Variants in SLC39A11 observed in about 807,000 individuals in gnomAD.
SLC39A11 encodes the protein solute carrier family 39 member 11, also known as zinc transporter ZIP11.
Under a neutral mutation model 36.1 loss-of-function variants are expected in SLC39A11, and 33 were observed. The observed-to-expected ratio is 0.91, with a 90% CI of 0.69 to 1.22. SLC39A11 has a LOEUF of 1.22. Among genes scored for constraint, SLC39A11 ranks in the 50% most tolerant of loss-of-function variants. The probability of loss-of-function intolerance (pLI) is 0.00; values close to 1 mark genes in which losing one functional copy is unlikely to be tolerated. For missense variants in SLC39A11, 432 were observed against 430.3 expected (o/e 1.00, Z -0.03); for synonymous variants, 166 against 170.3 (o/e 0.97, Z 0.20).
At chr17:72,932,274 T>A (rs1045192219) in intron 5 of SLC39A11, among the ~76,000 whole-genome samples, 1 of 133,636 alleles carries the variant, frequency 7.5e-6, no homozygotes, top group African/African-American at 3.6e-5. Context: ...CTCTTCTACC[T>A]GAAGAATGAC....
intron 6 of SLC39A11, among the ~76,000 whole-genome samples, chr17:72,740,670 C>T (rs115270331): frequency 0.015 from 2,349 of 152,294 alleles, 77 homozygotes; most frequent in African/African-American, 0.053. Flanking sequence ...ACGAAAACTA[C>T]GTAAGAACTG....
chr17:72,659,934 T>C (rs2070335241), intron 7 of SLC39A11, among the ~76,000 whole-genome samples: 1 of 152,086 alleles, frequency 6.6e-6, no homozygotes, highest in Non-Finnish European at 1.5e-5. Context: ...ACCTGCTGGA[T>C]TTTTAGGGAA....
At chr17:72,685,881 C>T (rs575629685) in intron 7 of SLC39A11, among the ~76,000 whole-genome samples, 1 of 152,142 alleles carries the variant, frequency 6.6e-6, no homozygotes, top group East Asian at 1.9e-4. Context: ...ACCAAAAATA[C>T]AAAAATTAGC....
intron 6 of SLC39A11, among the ~76,000 whole-genome samples, chr17:72,829,585 C>G (rs766895807): frequency 1.4e-4 from 21 of 152,160 alleles, no homozygotes; most frequent in African/African-American, 4.8e-4. Context: ...GAGAAGAAAA[C>G]AAACATGCCG....
rs944570783 is a variant in SLC39A11, at chr17:72,852,399, T to C, written c.431-2595A>G. Among the ~76,000 whole-genome samples, 9 of 152,018 alleles carry C rather than the reference T, an allele frequency of 5.9e-5. No homozygotes were observed. The South Asian group carries it at 1.9e-3, about 32-fold the overall frequency. On this transcript the variant is annotated intron_variant, in intron 5 of 9. Transcript: ENST00000255559. ...CCATTAGGAAAAGGGGGGTCTTTGG[T>C]CCTCCACAACGCAAGGATGCCAGTC...
At chr17:72,861,191 A>T (rs1425742612) in intron 5 of SLC39A11, among the ~76,000 whole-genome samples, 1 of 152,208 alleles carries the variant, frequency 6.6e-6, no homozygotes, top group Non-Finnish European at 1.5e-5. Flanking sequence ...ATACCATCAA[A>T]TGCCAATTCT....
chr17:72,876,965 T>C (rs2080930856), intron 5 of SLC39A11, among the ~76,000 whole-genome samples: 1 of 152,152 alleles, frequency 6.6e-6, no homozygotes, highest in Non-Finnish European at 1.5e-5. Flanking sequence ...AACCACAAAA[T>C]AAGCTCCCAG....
intron 7 of SLC39A11, among the ~76,000 whole-genome samples, chr17:72,711,421 G>A (rs375688765): frequency 1.3e-4 from 20 of 152,286 alleles, no homozygotes; most frequent in African/African-American, 4.3e-4. Context: ...AATGATGGCC[G>A]AGTACCACTG....
At chr17:72,837,255 T>C (rs1036784300) in intron 6 of SLC39A11, among the ~76,000 whole-genome samples, 1 of 151,606 alleles carries the variant, frequency 6.6e-6, no homozygotes, top group Non-Finnish European at 1.5e-5. Context: ...TGCCACCTCG[T>C]TGGAAAGCAG....
intron 3 of SLC39A11, among the ~76,000 whole-genome samples, chr17:73,079,726 G>T (rs2060452854): frequency 6.6e-6 from 1 of 152,156 alleles, no homozygotes; most frequent in South Asian, 2.1e-4. Context: ...CCGACGATAT[G>T]ATCGTATACC....
chr17:73,006,831 C>T (rs1037063464), intron 4 of SLC39A11, among the ~76,000 whole-genome samples: 27 of 152,112 alleles, frequency 1.8e-4, no homozygotes, highest in African/African-American at 2.4e-4. Flanking sequence ...GCGTTTATTG[C>T]GGCGGGAGTT....
intron 4 of SLC39A11, among the ~76,000 whole-genome samples, chr17:73,009,736 C>A (rs1409852897): frequency 5.3e-5 from 8 of 152,288 alleles, no homozygotes; most frequent in African/African-American, 1.9e-4. Context: ...CATCTCAATA[C>A]AACAAATTTT....
intron 7 of SLC39A11, among the ~76,000 whole-genome samples, chr17:72,681,782 C>T (rs2071519560): frequency 6.6e-6 from 1 of 152,156 alleles, no homozygotes; most frequent in Non-Finnish European, 1.5e-5. Flanking sequence ...TGATCCACTT[C>T]CACTTAATGA....
At chr17:72,922,556 C>G (rs1049452833) in intron 5 of SLC39A11, among the ~76,000 whole-genome samples, 1 of 152,182 alleles carries the variant, frequency 6.6e-6, no homozygotes, top group African/African-American at 2.4e-5. Context: ...TAAAAATAAC[C>G]ATTTCACTGG....
intron 6 of SLC39A11, among the ~76,000 whole-genome samples, chr17:72,808,683 T>G (rs1278457883): frequency 3.3e-5 from 5 of 152,216 alleles, no homozygotes; most frequent in Non-Finnish European, 5.9e-5. Context: ...TACATCACTA[T>G]TGTAGAACCT....
chr17:72,763,858 T>C (rs1284984849), intron 6 of SLC39A11, among the ~76,000 whole-genome samples: 1 of 152,114 alleles, frequency 6.6e-6, no homozygotes, highest in Non-Finnish European at 1.5e-5. Flanking sequence ...AAAGAAATTT[T>C]CCAGCACATG....
At chr17:72,805,215 T>C (rs1421245032) in intron 6 of SLC39A11, among the ~76,000 whole-genome samples, 1 of 152,190 alleles carries the variant, frequency 6.6e-6, no homozygotes, top group Non-Finnish European at 1.5e-5. Flanking sequence ...CTTCTTTTGG[T>C]GACAGCATCC....
intron 3 of SLC39A11, among the ~76,000 whole-genome samples, chr17:73,055,752 G>C (rs957508378): frequency 6.6e-6 from 1 of 152,088 alleles, no homozygotes; most frequent in Non-Finnish European, 1.5e-5. Flanking sequence ...GGATTAGTAA[G>C]CCACCAAATC....
rs565138131 is a variant in SLC39A11, at chr17:72,793,738, G to C, written c.601+55896C>G. ...AGCTGCCACACCCAGTCTGGAAAAT[G>C]CCTCTTGATGTGCACATCGTTCTAT... On this transcript the variant is annotated intron_variant, in intron 6 of 9. Coordinates refer to ENST00000255559, the MANE Select transcript of SLC39A11 (RefSeq NM_139177.4). Among the ~76,000 whole-genome samples the C allele has an allele frequency of 2.6e-4, 40 of 152,286 alleles. No individual in the cohort carries two copies. The South Asian group carries it at 8.1e-3, about 31-fold the overall frequency.
Sources: gnomAD v4.1 joint callset for allele counts (sites outside exome capture counted in the v4.1 genomes callset) on GRCh38, gnomAD v4.1.1 for gene constraint, MANE v1.5 for transcripts, NCBI Gene and HGNC (gene_info 2026-07-23, HGNC 2026-07-21) for gene names.